The following EXOC4 variants were observed in gnomAD, a reference collection of about 807,000 sequenced individuals.
The protein encoded by EXOC4 is SEC8-like 1.
EXOC4 carries 71 observed loss-of-function variants against 107.2 expected under a neutral mutation model. The observed-to-expected ratio is 0.66, with a 90% CI of 0.55 to 0.81. The LOEUF (loss-of-function observed/expected upper bound fraction) is 0.81, where lower values mean the gene tolerates loss of function less well. EXOC4 is among the 30% of genes least tolerant of loss of function. The pLI, the probability that EXOC4 is intolerant of heterozygous loss-of-function variation, is 0.00. For missense variants in EXOC4, 1,108 were observed against 1,189.6 expected (o/e 0.93, Z 1.01); for synonymous variants, 456 against 441.2 (o/e 1.03, Z -0.42).
At chr7:133,593,053 G>A (rs1801587257) in intron 9 of EXOC4, among the ~76,000 whole-genome samples, 1 of 152,178 alleles carries the variant, frequency 6.6e-6, no homozygotes, top group Non-Finnish European at 1.5e-5. Flanking sequence ...GGCCTAAATT[G>A]GTAGATATTA....
chr7:133,395,593 T>TATTA (rs1260958613), intron 7 of EXOC4, among the ~76,000 whole-genome samples: 1 of 152,126 alleles, frequency 6.6e-6, no homozygotes, highest in Non-Finnish European at 1.5e-5. Context: ...GTACTGAGAT[T>TATTA]ATTACATTTA....
At chr7:134,068,568 G>A (rs1796218532), downstream of EXOC4, among the ~76,000 whole-genome samples, 1 of 152,104 alleles carries the variant, frequency 6.6e-6, no homozygotes, top group South Asian at 2.1e-4. Flanking sequence ...CTTCATAGCA[G>A]TATGAAAATG....
At chr7:134,069,050 G>A (rs1174488604), downstream of EXOC4, among the ~76,000 whole-genome samples, 1 of 152,000 alleles carries the variant, frequency 6.6e-6, no homozygotes, top group South Asian at 2.1e-4. Context: ...TTCCCCTCTC[G>A]ATTCTCTGTG....
chr7:133,280,816 A>G (rs1241030542), intron 2 of EXOC4, among the ~76,000 whole-genome samples: 1 of 152,244 alleles, frequency 6.6e-6, no homozygotes, highest in African/African-American at 2.4e-5. Flanking sequence ...ATGTCCTAGT[A>G]GAACAACATG....
At chr7:133,663,379 T>C (rs1793740885) in intron 10 of EXOC4, among the ~76,000 whole-genome samples, 1 of 152,096 alleles carries the variant, frequency 6.6e-6, no homozygotes, top group Non-Finnish European at 1.5e-5. Context: ...CCTAAGGCTT[T>C]TAATACCGTC....
At chr7:133,298,589 G>A (rs1401748248) in intron 3 of EXOC4, among the ~76,000 whole-genome samples, 1 of 151,780 alleles carries the variant, frequency 6.6e-6, no homozygotes, top group African/African-American at 2.4e-5. Context: ...AACAAAAGAG[G>A]TTTTTTTTCT....
chr7:133,799,774 G>A (rs1412756381), intron 10 of EXOC4, among the ~76,000 whole-genome samples: 1 of 152,200 alleles, frequency 6.6e-6, no homozygotes, highest in Non-Finnish European at 1.5e-5. Flanking sequence ...AGGGTGGGTA[G>A]TGAAGTAGGA....
At chr7:133,568,109 A>G (rs966126284) in intron 9 of EXOC4, among the ~76,000 whole-genome samples, 6 of 152,328 alleles carry the variant, frequency 3.9e-5, no homozygotes, top group Non-Finnish European at 5.9e-5. Flanking sequence ...GTTTGAATTT[A>G]TATTTCTCTT....
chr7:133,321,155 A>G (rs1563017111), intron 5 of EXOC4, among the ~76,000 whole-genome samples: 1 of 152,010 alleles, frequency 6.6e-6, no homozygotes, highest in Non-Finnish European at 1.5e-5. Flanking sequence ...GATACCATAA[A>G]TTAAGATTGG....
chr7:133,623,935 TG>T lies in EXOC4; in HGVS notation c.1418-6108del, dbSNP rs1469663053. Among the ~76,000 whole-genome samples the T allele has an allele frequency of 1.5e-4, 23 of 152,268 alleles. No individual in the cohort carries two copies. The South Asian group carries it at 4.6e-3, about 30-fold the overall frequency. ...GGAATGTAATCTAAAAGAACCCCTC[TG>T]GCAGGGTGACAGCTGTGAATTCAGG... On this transcript the variant is annotated intron_variant, in intron 9 of 17. Coordinates refer to ENST00000253861, the MANE Select transcript of EXOC4 (RefSeq NM_021807.4).
intron 9 of EXOC4, among the ~76,000 whole-genome samples, chr7:133,498,837 T>C (rs1242966961): frequency 6.6e-6 from 1 of 152,212 alleles, no homozygotes; most frequent in Non-Finnish European, 1.5e-5. Context: ...TGGCCTCTTT[T>C]GAAAATCATA....
At chr7:133,346,426 G>C (rs554405985) in intron 5 of EXOC4, among the ~76,000 whole-genome samples, 4 of 152,232 alleles carry the variant, frequency 2.6e-5, no homozygotes, top group African/African-American at 9.6e-5. Context: ...TCTTGAGTCA[G>C]ATGATTTCTT....
intron 13 of EXOC4, among the ~76,000 whole-genome samples, chr7:133,926,160 A>G (rs1254943968): frequency 6.6e-6 from 1 of 152,138 alleles, no homozygotes; most frequent in Non-Finnish European, 1.5e-5. Context: ...ATTTTCAGGA[A>G]TTATTATTCC....
intron 10 of EXOC4, among the ~76,000 whole-genome samples, chr7:133,806,847 C>T (rs1378020209): frequency 6.6e-6 from 1 of 152,114 alleles, no homozygotes; most frequent in Admixed American, 6.5e-5. Flanking sequence ...ATAAAAGTAC[C>T]TAACTTCATA....
chr7:134,080,150 A>G, the EXOC4 span, among the ~76,000 whole-genome samples: 1 of 152,100 alleles, frequency 6.6e-6, no homozygotes, highest in East Asian at 1.9e-4. Context: ...CACAAAACCT[A>G]CCCTTTCTGA....
At chr7:133,340,674 C>A (rs527586186) in intron 5 of EXOC4, among the ~76,000 whole-genome samples, 1 of 151,464 alleles carries the variant, frequency 6.6e-6, no homozygotes, top group African/African-American at 2.4e-5. Context: ...TTTTTGTTGG[C>A]AATTTTTTAA....
In EXOC4 at chr7:134,050,912, G is replaced by A. The variant is rs372425104; in HGVS notation, c.2688-13379G>A. Among the ~76,000 whole-genome samples the A allele has an allele frequency of 3.3e-5, 5 of 152,202 alleles. No homozygotes were observed. The East Asian group carries it at 9.6e-4, about 29-fold the overall frequency. On this transcript the variant is annotated intron_variant, in intron 17 of 17. Transcript: ENST00000253861. ...CTAGGAGGAGTGAGTGAGTGAGGTG[G>A]CCAGTTAAGAGGCAACTGTAACAAT...
chr7:133,833,425 G>C (rs940310315), intron 11 of EXOC4, among the ~76,000 whole-genome samples: 11 of 152,228 alleles, frequency 7.2e-5, no homozygotes, highest in African/African-American at 2.7e-4. Context: ...ACCCGAAGGA[G>C]TGTACCAAAT....
chr7:133,635,099 A>C (rs140527581), intron 10 of EXOC4, among the ~76,000 whole-genome samples: 46 of 152,256 alleles, frequency 3.0e-4, no homozygotes, highest in African/African-American at 1.1e-3. Context: ...TCTTTTGTGT[A>C]GTTCTGACAT....
Sources: gnomAD v4.1 joint callset for allele counts (sites outside exome capture counted in the v4.1 genomes callset) on GRCh38, gnomAD v4.1.1 for gene constraint, MANE v1.5 for transcripts, NCBI Gene and HGNC (gene_info 2026-07-23, HGNC 2026-07-21) for gene names.